MEGF11: variants seen among roughly 807,000 people sequenced by gnomAD.
The protein encoded by MEGF11 is multiple epidermal growth factor-like domains protein 11.
Under a neutral mutation model 146.6 loss-of-function variants are expected in MEGF11, and 126 were observed. The ratio of observed to expected loss-of-function variants is 0.86; its 90% CI spans 0.74 to 1.00. The LOEUF (loss-of-function observed/expected upper bound fraction) is 1.00, where lower values mean the gene tolerates loss of function less well. MEGF11 is among the 50% of genes least tolerant of loss of function. The pLI is 0.00. For synonymous variants in MEGF11, 532 were observed against 583.4 expected, an observed-to-expected ratio of 0.91 and a Z score of 1.27; for missense variants, 1,509 against 1,521.2, an observed-to-expected ratio of 0.99 and a Z score of 0.13.
At chr15:66,069,304 T>C (rs1428023535) in intron 5 of MEGF11, among the ~76,000 whole-genome samples, 1 of 152,198 alleles carries the variant, frequency 6.6e-6, no homozygotes, top group African/African-American at 2.4e-5. Context: ...TCTTTCTGAA[T>C]TTGAATTACC....
At chr15:66,053,804 T>C (rs35945305) in intron 5 of MEGF11, among the ~76,000 whole-genome samples, 8,764 of 141,564 alleles carry the variant, frequency 0.062, 365 homozygotes, top group African/African-American at 0.11. Context: ...CATGGTTCAC[T>C]GCAGCCTCAA....
intron 5 of MEGF11, among the ~76,000 whole-genome samples, chr15:66,014,211 G>A (rs780155509): frequency 6.6e-6 from 1 of 152,124 alleles, no homozygotes; most frequent in Non-Finnish European, 1.5e-5. Flanking sequence ...GTAACTGTGG[G>A]GACTCCTAGA....
chr15:65,914,119 C>A (rs1000070961), intron 19 of MEGF11, 146 bp from the exon 20 acceptor site: 28 of 629,024 alleles, frequency 4.5e-5, no homozygotes, highest in Non-Finnish European at 7.8e-5. Context: ...TATGTGACTA[C>A]CCCCAGCCCT....
chr15:65,965,867 G>A (rs186358374), intron 8 of MEGF11, among the ~76,000 whole-genome samples: 17 of 152,060 alleles, frequency 1.1e-4, no homozygotes, highest in Admixed American at 5.2e-4. Flanking sequence ...TTTTAACCAC[G>A]TACAGTTCAG....
At position 66,224,628 on chromosome 15, in the gene MEGF11, T is replaced by A. The variant is rs576365359; in HGVS notation, c.-9+28977A>T. Among the ~76,000 whole-genome samples, 632 of 112,098 alleles carry A rather than the reference T, an allele frequency of 5.6e-3. 9 individuals carry two copies. Among genetic ancestry groups the A allele is most frequent in the African/African-American group, 0.018 (605 of 34,326 alleles). 73.5% of individuals were successfully genotyped at this position (112,098 alleles called of 152,430 possible). On this transcript the variant is annotated intron_variant, in intron 1 of 25. Coordinates refer to ENST00000395614, the MANE Select transcript of MEGF11 (RefSeq NM_001385028.1). Reference sequence around the variant, plus strand: ...TTATATATATTTAATATATATTATATATTATTACTTATTATATTATATATT... The same window carrying A: ...TTATATATATTTAATATATATTATAAATTATTACTTATTATATTATATATT...
chr15:66,004,817 C>T (rs146656423), intron 5 of MEGF11, among the ~76,000 whole-genome samples: 3 of 152,196 alleles, frequency 2.0e-5, no homozygotes, highest in East Asian at 1.9e-4. Context: ...CCAGGGCTAG[C>T]GTATTTCTGC....
In MEGF11 at chr15:65,922,761, A is replaced by G. The variant is rs1468869504; in HGVS notation, c.1822+62T>C. 5.1e-6 allele frequency: 8 copies of G among 1,571,066 alleles called. No individual in the cohort carries two copies. The East Asian group carries it at 6.8e-5, about 13-fold the overall frequency. ...CTCTCTCAGGCCATGGCTAGTTCCA[A>G]CTGGAGAGGGCTAGGGAGGATTAGC... On this transcript the variant is annotated intron_variant, in intron 14 of 25. Transcript: ENST00000395614.
At chr15:65,922,496 G>A in intron 14 of MEGF11, 24 bp from the exon 15 acceptor site, 1 of 1,537,232 alleles carries the variant, frequency 6.5e-7, no homozygotes. Context: ...GAAGATGGTG[G>A]TCAGCAGCCC....
At chr15:65,911,779 TAAAGC>T (rs1567151764) in intron 21 of MEGF11, among the ~76,000 whole-genome samples, 2 of 152,218 alleles carry the variant, frequency 1.3e-5, no homozygotes, top group Non-Finnish European at 2.9e-5. Context: ...TTATAGGTGA[TAAAGC>T]AAATACATGA....
At chr15:66,056,268 C>T (rs2084670212) in intron 5 of MEGF11, among the ~76,000 whole-genome samples, 1 of 144,368 alleles carries the variant, frequency 6.9e-6, no homozygotes. Flanking sequence ...GAGGGAGGGG[C>T]TGTAGAGGGG....
intron 17 of MEGF11, chr15:65,916,536 C>T: frequency 1.5e-6 from 1 of 651,054 alleles, no homozygotes; most frequent in Non-Finnish European, 2.6e-6. Context: ...ACACAGGCTG[C>T]TCCTCCCCAC....
At chr15:65,968,813 C>G (rs117108994) in intron 8 of MEGF11, among the ~76,000 whole-genome samples, 1 of 152,196 alleles carries the variant, frequency 6.6e-6, no homozygotes, top group Non-Finnish European at 1.5e-5. Context: ...GCAAAGCCCT[C>G]GTTACATTTC....
At chr15:65,937,549 C>G (rs2079835155) in intron 10 of MEGF11, among the ~76,000 whole-genome samples, 1 of 152,224 alleles carries the variant, frequency 6.6e-6, no homozygotes, top group Non-Finnish European at 1.5e-5. Flanking sequence ...ACTAAGGACC[C>G]TTGTTAGTAT....
At chr15:66,218,592 G>A (rs888784987) in intron 1 of MEGF11, among the ~76,000 whole-genome samples, 3 of 152,172 alleles carry the variant, frequency 2.0e-5, no homozygotes, top group African/African-American at 7.2e-5. Flanking sequence ...CTGCCAAAAT[G>A]TGGAACTTTC....
chr15:66,105,700 C>G (rs1274298614), intron 4 of MEGF11, among the ~76,000 whole-genome samples: 1 of 152,240 alleles, frequency 6.6e-6, no homozygotes, highest in Non-Finnish European at 1.5e-5. Flanking sequence ...AGCCCTGCGG[C>G]TGTTTCAGAG....
intron 19 of MEGF11, 50 bp downstream of exon 19, chr15:65,915,420 G>A: frequency 6.2e-7 from 1 of 1,600,230 alleles, no homozygotes; most frequent in South Asian, 1.1e-5. Context: ...CCCTAGAGCT[G>A]CCATGGGGCC....
intron 12 of MEGF11, 139 bp downstream of exon 12, chr15:65,929,581 A>G: frequency 9.6e-7 from 1 of 1,040,974 alleles, no homozygotes; most frequent in African/African-American, 1.6e-5. Context: ...GGTTAGGACT[A>G]GGACTGTGAC....
intron 1 of MEGF11, among the ~76,000 whole-genome samples, chr15:66,240,303 C>T (rs186755127): frequency 1.1e-3 from 172 of 152,314 alleles, no homozygotes; most frequent in African/African-American, 3.6e-3. Flanking sequence ...GCTGAATTTT[C>T]GGAGACACAG....
At chr15:66,087,693 C>T (rs762921736) in intron 5 of MEGF11, among the ~76,000 whole-genome samples, 14 of 152,148 alleles carry the variant, frequency 9.2e-5, no homozygotes, top group Non-Finnish European at 1.0e-4. Context: ...AAGTTCATAG[C>T]CCTAAACGCC....
Sources: allele counts gnomAD v4.1 joint callset (sites outside exome capture counted in the v4.1 genomes callset), GRCh38; gene constraint gnomAD v4.1.1; transcripts MANE v1.5; gene names NCBI Gene and HGNC (gene_info 2026-07-23, HGNC 2026-07-21).